SPSB4: variants seen among roughly 807,000 people sequenced by gnomAD.
SPSB4 encodes the protein splA/ryanodine receptor domain and SOCS box containing 4.
SPSB4 carries 21 observed loss-of-function variants against 20.9 expected under a neutral mutation model. That is an observed-to-expected ratio of 1.01 (90% CI 0.71 to 1.45). The LOEUF (loss-of-function observed/expected upper bound fraction) is 1.45. Among genes scored for constraint, SPSB4 ranks in the 40% most tolerant of loss-of-function variants. SPSB4 has a pLI of 0.00. For missense variants in SPSB4, 399 were observed against 399.2 expected (o/e 1.00, Z 0.00); for synonymous variants, 207 against 183.8 (o/e 1.13, Z -1.02).
chr3:141,112,644 CAAAAAAAA>C (rs60396514), intron 2 of SPSB4, among the ~76,000 whole-genome samples: 23 of 32,880 alleles, frequency 7.0e-4, no homozygotes, highest in African/African-American at 1.8e-3. Flanking sequence ...GACTCCGTCT[CAAAAAAAA>C]AAAAAAAAAA....
At chr3:141,138,169 T>C (rs1267355061) in intron 2 of SPSB4, among the ~76,000 whole-genome samples, 2 of 152,220 alleles carry the variant, frequency 1.3e-5, no homozygotes, top group Admixed American at 6.5e-5. Context: ...TTCTGTGGGA[T>C]TGGTGGTGAT....
At chr3:141,142,962 A>G (rs527431946) in intron 2 of SPSB4, among the ~76,000 whole-genome samples, 34 of 151,116 alleles carry the variant, frequency 2.2e-4, no homozygotes, top group East Asian at 9.7e-4. Flanking sequence ...GACTACAGGC[A>G]CCCGCCACCA....
chr3:141,060,283 C>G (rs748640021), intron 1 of SPSB4, among the ~76,000 whole-genome samples: 4 of 152,178 alleles, frequency 2.6e-5, no homozygotes, highest in Non-Finnish European at 4.4e-5. Context: ...GTTTAAGTGT[C>G]TTTTCAGCAA....
chr3:141,113,025 C>T (rs963067813), intron 2 of SPSB4, among the ~76,000 whole-genome samples: 10 of 152,180 alleles, frequency 6.6e-5, no homozygotes, highest in Non-Finnish European at 1.3e-4. Context: ...TTCTTTGTAT[C>T]TCATGCTGAG....
intron 2 of SPSB4, among the ~76,000 whole-genome samples, chr3:141,144,616 C>T (rs1003918990): frequency 6.6e-6 from 1 of 152,232 alleles, no homozygotes. Flanking sequence ...TTACTCTCCC[C>T]TCAGAAGTTC....
intron 2 of SPSB4, among the ~76,000 whole-genome samples, chr3:141,111,294 C>T (rs143966353): frequency 1.7e-4 from 26 of 149,112 alleles, no homozygotes; most frequent in Non-Finnish European, 2.8e-4. Flanking sequence ...GGTTGCAGTC[C>T]GCTGGGGATG....
intron 2 of SPSB4, among the ~76,000 whole-genome samples, chr3:141,120,007 A>G (rs1576537731): frequency 6.6e-6 from 1 of 152,124 alleles, no homozygotes; most frequent in East Asian, 1.9e-4. Flanking sequence ...TTGTGATGTT[A>G]GGGTGTCGAT....
At chr3:141,075,074 C>A (rs1489595342) in intron 2 of SPSB4, among the ~76,000 whole-genome samples, 2 of 150,804 alleles carry the variant, frequency 1.3e-5, no homozygotes, top group African/African-American at 5.0e-5. Flanking sequence ...GGCCTCCAAT[C>A]CCCCTTGAAA....
chr3:141,057,082 C>T (rs188005453), intron 1 of SPSB4, among the ~76,000 whole-genome samples: 1 of 152,322 alleles, frequency 6.6e-6, no homozygotes, highest in South Asian at 2.1e-4. Flanking sequence ...GGAAAACAGG[C>T]GTGAGATGAT....
intron 2 of SPSB4, among the ~76,000 whole-genome samples, chr3:141,094,927 C>T (rs889949726): frequency 6.6e-6 from 1 of 151,834 alleles, no homozygotes; most frequent in South Asian, 2.1e-4. Context: ...CCCTTGTCTC[C>T]GAGACCTCAT....
At chr3:141,108,030 T>C (rs1938726969) in intron 2 of SPSB4, among the ~76,000 whole-genome samples, 1 of 152,078 alleles carries the variant, frequency 6.6e-6, no homozygotes, top group African/African-American at 2.4e-5. Context: ...CTTGGGCTAA[T>C]GTTTAAAATT....
intron 2 of SPSB4, among the ~76,000 whole-genome samples, chr3:141,119,861 A>C (rs1045820128): frequency 2.6e-5 from 4 of 152,132 alleles, no homozygotes; most frequent in Admixed American, 2.0e-4. Flanking sequence ...TCAAAAAACC[A>C]GCTCCTGGAT....
At chr3:141,094,130 C>A (rs1367870409) in intron 2 of SPSB4, among the ~76,000 whole-genome samples, 1 of 152,180 alleles carries the variant, frequency 6.6e-6, no homozygotes, top group South Asian at 2.1e-4. Context: ...TGCCTGAGGT[C>A]GGCTGGGGCT....
intron 2 of SPSB4, among the ~76,000 whole-genome samples, chr3:141,107,678 C>T (rs996013144): frequency 3.9e-5 from 6 of 152,194 alleles, no homozygotes; most frequent in African/African-American, 1.4e-4. Flanking sequence ...TATTTGTGCC[C>T]AGGCACAGTG....
intron 2 of SPSB4, among the ~76,000 whole-genome samples, chr3:141,067,355 G>C: frequency 6.6e-6 from 1 of 152,174 alleles, no homozygotes; most frequent in South Asian, 2.1e-4. Flanking sequence ...ACTATTAAAG[G>C]GGACAGCTGC....
chr3:141,145,127 C>T (rs139654565), intron 2 of SPSB4, among the ~76,000 whole-genome samples: 153 of 149,594 alleles, frequency 1.0e-3, no homozygotes, highest in African/African-American at 3.6e-3. Context: ...GTATGAGGAT[C>T]GATATACTGT....
intron 2 of SPSB4, among the ~76,000 whole-genome samples, chr3:141,074,132 G>A (rs1408106773): frequency 1.3e-5 from 2 of 152,206 alleles, no homozygotes. Flanking sequence ...GGTCTTGTGG[G>A]AAGAGCAGGG....
At chr3:141,055,975 G>A (rs1025146918) in intron 1 of SPSB4, among the ~76,000 whole-genome samples, 16 of 152,224 alleles carry the variant, frequency 1.1e-4, no homozygotes, top group Non-Finnish European at 2.2e-4. Context: ...TCTGCACGGG[G>A]CTGGAGATGC....
At chr3:141,099,225 C>T (rs370790022) in intron 2 of SPSB4, among the ~76,000 whole-genome samples, 1 of 150,452 alleles carries the variant, frequency 6.6e-6, no homozygotes, top group African/African-American at 2.5e-5. Context: ...CGCTCTGTCG[C>T]CCAGGCTGGA....
Sources: gnomAD v4.1 joint callset for allele counts (sites outside exome capture counted in the v4.1 genomes callset) on GRCh38, gnomAD v4.1.1 for gene constraint, MANE v1.5 for transcripts, NCBI Gene and HGNC (gene_info 2026-07-23, HGNC 2026-07-21) for gene names.